TNKS: variants seen among roughly 807,000 people sequenced by gnomAD.
TNKS encodes the protein poly [ADP-ribose] polymerase tankyrase-1.
In TNKS, 72 loss-of-function variants were observed where a neutral mutation model predicts 135.8. That is an observed-to-expected ratio of 0.53 (90% CI 0.44 to 0.64). The LOEUF is 0.64. Among genes scored for constraint, TNKS ranks in the 30% least tolerant of loss-of-function variants. TNKS has a pLI of 0.00. For synonymous variants in TNKS, 849 were observed against 649.3 expected, an observed-to-expected ratio of 1.31 and a Z score of -4.68; for missense variants, 1,769 against 1,674.0, an observed-to-expected ratio of 1.06 and a Z score of -0.99.
chr8:9,770,143 T>A lies in TNKS; in HGVS notation c.3778T>A (p.Phe1260Ile). The stretch of plus-strand genomic sequence containing the variant: ...CTGTAGAGTGACCCTTGGGAAATCC[T>A]TTCTGCAGTTTAGCACCATGAAAAT... ...LFCRVTLGKSFLQFSTMKMAH... is the reference protein window; with the variant it reads ...LFCRVTLGKSILQFSTMKMAH... The change falls in exon 26 of 27, where the codon TTT becomes ATT. Residue 1260 changes from phenylalanine to isoleucine, a missense_variant. Physicochemically the swap from Phe to Ile is conservative, Grantham distance 21. Coordinates refer to ENST00000310430, the MANE Select transcript of TNKS (RefSeq NM_003747.3). 6.2e-7 allele frequency: 1 copy of A among 1,613,376 alleles called. No individual in the cohort carries two copies. Among genetic ancestry groups the A allele is most frequent in the Non-Finnish European group, 8.5e-7 (1 of 1,179,906 alleles).
intron 2 of TNKS, among the ~76,000 whole-genome samples, chr8:9,611,122 T>C (rs1188629500): frequency 6.6e-6 from 1 of 152,222 alleles, no homozygotes; most frequent in Non-Finnish European, 1.5e-5. Flanking sequence ...TAATTTTAAC[T>C]GTCTTGTTAT....
At chr8:9,776,578 T>A in intron 26 of TNKS, 72 bp from the exon 27 acceptor site, 3 of 1,427,796 alleles carry the variant, frequency 2.1e-6, no homozygotes, top group South Asian at 1.2e-5. Flanking sequence ...CCTTTGAGGC[T>A]TCCACATTCG....
At chr8:9,560,710 G>C (rs1393870460) in intron 1 of TNKS, among the ~76,000 whole-genome samples, 1 of 151,576 alleles carries the variant, frequency 6.6e-6, no homozygotes, top group Non-Finnish European at 1.5e-5. Context: ...CCCTGTCTGA[G>C]GATGTAAGAA....
chr8:9,753,623 A>T (rs1806666966), intron 20 of TNKS, among the ~76,000 whole-genome samples: 1 of 152,230 alleles, frequency 6.6e-6, no homozygotes, highest in Non-Finnish European at 1.5e-5. Context: ...CCTGAATTTA[A>T]ATGGACTATT....
At chr8:9,683,086 C>CACA (rs1802850783) in intron 5 of TNKS, among the ~76,000 whole-genome samples, 1 of 151,906 alleles carries the variant, frequency 6.6e-6, no homozygotes, top group South Asian at 2.1e-4. Context: ...AATTGCTCAT[C>CACA]TGTGTGGTTT....
intron 3 of TNKS, among the ~76,000 whole-genome samples, chr8:9,679,433 T>C (rs1276326809): frequency 1.1e-4 from 16 of 152,184 alleles, no homozygotes; most frequent in Non-Finnish European, 2.4e-4. Context: ...GGTTCTGATA[T>C]TTGCATTTTC....
At chr8:9,598,259 G>A (rs371576097) in intron 2 of TNKS, among the ~76,000 whole-genome samples, 3 of 152,142 alleles carry the variant, frequency 2.0e-5, no homozygotes, top group East Asian at 3.9e-4. Flanking sequence ...GTGTTAGCCA[G>A]GATGGTCTTG....
At chr8:9,717,071 TA>T (rs1210647025) in intron 11 of TNKS, among the ~76,000 whole-genome samples, 5 of 13,774 alleles carry the variant, frequency 3.6e-4, no homozygotes, top group Non-Finnish European at 6.1e-4. Context: ...TGTTGTATTA[TA>T]ATATATATAT....
chr8:9,611,451 G>C (rs1028526250), intron 2 of TNKS, among the ~76,000 whole-genome samples: 1 of 152,184 alleles, frequency 6.6e-6, no homozygotes, highest in East Asian at 1.9e-4. Flanking sequence ...ATCAAGCAAT[G>C]TGGTACTTTT....
intron 1 of TNKS, among the ~76,000 whole-genome samples, chr8:9,576,181 A>G (rs1244560649): frequency 1.3e-5 from 2 of 152,180 alleles, no homozygotes; most frequent in South Asian, 2.1e-4. Context: ...TTCTCTTAGT[A>G]TATTATTTCC....
At chr8:9,559,416 T>A (rs1334512600) in intron 1 of TNKS, among the ~76,000 whole-genome samples, 2 of 152,180 alleles carry the variant, frequency 1.3e-5, no homozygotes, top group African/African-American at 4.8e-5. Flanking sequence ...GAGTTTACAG[T>A]TCTATAGAAT....
At chr8:9,764,010 GCAT>G (rs1807288801) in intron 22 of TNKS, among the ~76,000 whole-genome samples, 1 of 152,108 alleles carries the variant, frequency 6.6e-6, no homozygotes, top group East Asian at 1.9e-4. Flanking sequence ...CATCAGGAAG[GCAT>G]CATGGGGTCC....
rs1388317264 is a variant in TNKS at position 9,665,380 on chromosome 8, A to G, written c.995-14571A>G. On this transcript the variant is annotated intron_variant, in intron 3 of 26. Transcript: ENST00000310430. Reference sequence around the variant, plus strand: ...TCTTGTCAATCATGTGATGCTCTTCAGCAGTTGCCAGGGAGTCATCATTCT... The same window carrying G: ...TCTTGTCAATCATGTGATGCTCTTCGGCAGTTGCCAGGGAGTCATCATTCT... Among the ~76,000 whole-genome samples, 3 of 152,232 alleles carry G rather than the reference A, an allele frequency of 2.0e-5. No homozygotes were observed. In the East Asian group the frequency reaches 5.8e-4, roughly 29 times the overall value.
At chr8:9,565,996 T>C (rs559689535) in intron 1 of TNKS, among the ~76,000 whole-genome samples, 1 of 152,324 alleles carries the variant, frequency 6.6e-6, no homozygotes, top group South Asian at 2.1e-4. Flanking sequence ...ATATATATTA[T>C]ATACATAGTA....
At chr8:9,650,077 A>G (rs568937426) in intron 3 of TNKS, among the ~76,000 whole-genome samples, 2 of 151,548 alleles carry the variant, frequency 1.3e-5, no homozygotes, top group Admixed American at 1.3e-4. Context: ...TTTTTGGTAG[A>G]GACAGGGTTT....
chr8:9,566,002 T>C (rs1431843117), intron 1 of TNKS, among the ~76,000 whole-genome samples: 2 of 152,194 alleles, frequency 1.3e-5, no homozygotes, highest in African/African-American at 4.8e-5. Flanking sequence ...ATTATATACA[T>C]AGTAAGTAGA....
At chr8:9,633,017 C>A (rs2128772490) in intron 3 of TNKS, among the ~76,000 whole-genome samples, 1 of 152,344 alleles carries the variant, frequency 6.6e-6, no homozygotes, top group East Asian at 1.9e-4. Flanking sequence ...GCATGAGCCA[C>A]CGCACCCGGC....
At chr8:9,735,800 AAAATAAATAAAT>A (rs750163364) in intron 17 of TNKS, among the ~76,000 whole-genome samples, 1 of 152,038 alleles carries the variant, frequency 6.6e-6, no homozygotes, top group Non-Finnish European at 1.5e-5. Context: ...ACTCTGACTC[AAAATAAATAAAT>A]AAATAAATAA....
At chr8:9,587,698 G>A (rs1384210565) in intron 2 of TNKS, among the ~76,000 whole-genome samples, 3 of 152,120 alleles carry the variant, frequency 2.0e-5, no homozygotes, top group African/African-American at 7.2e-5. Context: ...CACTGCGCCT[G>A]GCCGACACTT....
Sources: allele counts gnomAD v4.1 joint callset (sites outside exome capture counted in the v4.1 genomes callset), GRCh38; gene constraint gnomAD v4.1.1; transcripts MANE v1.5; gene names NCBI Gene and HGNC (gene_info 2026-07-23, HGNC 2026-07-21).